KANSL1L: variants seen among roughly 807,000 people sequenced by gnomAD.
KANSL1L encodes KAT8 regulatory NSL complex subunit 1 like, also known as KAT8 regulatory NSL complex subunit 1-like protein.
In KANSL1L, 25 loss-of-function variants were observed where a neutral mutation model predicts 108.6. That is an observed-to-expected ratio of 0.23 (90% CI 0.17 to 0.32). KANSL1L has a LOEUF of 0.32. Among genes scored for constraint, KANSL1L ranks in the 10% least tolerant of loss-of-function variants. The pLI, the probability that KANSL1L is intolerant of heterozygous loss-of-function variation, is 1.00. For synonymous variants in KANSL1L, 405 were observed against 395.1 expected (o/e 1.03, Z -0.30); for missense variants, 1,137 against 1,125.7 (o/e 1.01, Z -0.14).
chr2:210,029,573 A>G (rs1203755931), intron 10 of KANSL1L, among the ~76,000 whole-genome samples: 1 of 152,140 alleles, frequency 6.6e-6, no homozygotes, highest in Non-Finnish European at 1.5e-5. Context: ...TAATGTTTAA[A>G]TTTTTAACAC....
At chr2:210,146,967 A>G (rs1294929967) in intron 2 of KANSL1L, among the ~76,000 whole-genome samples, 5 of 152,236 alleles carry the variant, frequency 3.3e-5, no homozygotes, top group Admixed American at 6.5e-5. Context: ...CTGTAGATAT[A>G]GAAGTACAGC....
intron 2 of KANSL1L, among the ~76,000 whole-genome samples, chr2:210,145,235 C>A (rs1040716586): frequency 6.6e-6 from 1 of 152,198 alleles, no homozygotes; most frequent in African/African-American, 2.4e-5. Context: ...TGGAATCCCT[C>A]TTGGCACTGG....
At chr2:210,045,647 G>A (rs529044490) in intron 6 of KANSL1L, among the ~76,000 whole-genome samples, 56 of 152,076 alleles carry the variant, frequency 3.7e-4, no homozygotes, top group African/African-American at 1.2e-3. Flanking sequence ...TGCTTTCTCC[G>A]AATTCTCTCA....
At chr2:210,081,415 G>A (rs1277840124) in intron 5 of KANSL1L, among the ~76,000 whole-genome samples, 2 of 152,142 alleles carry the variant, frequency 1.3e-5, no homozygotes, top group African/African-American at 4.8e-5. Flanking sequence ...GTTCCTTGGG[G>A]AAGTTTTCTA....
chr2:210,052,285 G>A (rs1325668998), intron 6 of KANSL1L, among the ~76,000 whole-genome samples: 1 of 151,998 alleles, frequency 6.6e-6, no homozygotes, highest in Non-Finnish European at 1.5e-5. Context: ...TTACAGGCCT[G>A]AGCCACCACA....
intron 2 of KANSL1L, 59 bp downstream of exon 2, chr2:210,153,436 T>G (rs2095315737): frequency 1.6e-6 from 2 of 1,289,470 alleles, no homozygotes; most frequent in Admixed American, 4.0e-5. Context: ...ACCTGGAAAC[T>G]AAGATAATTG....
chr2:210,027,962 A>C (rs1230114639), intron 11 of KANSL1L, among the ~76,000 whole-genome samples: 2 of 152,252 alleles, frequency 1.3e-5, no homozygotes, highest in African/African-American at 2.4e-5. Context: ...TAGTAAAAGA[A>C]ATGAAATTAG....
intron 5 of KANSL1L, among the ~76,000 whole-genome samples, chr2:210,093,178 C>G (rs944452299): frequency 6.6e-6 from 1 of 152,174 alleles, no homozygotes; most frequent in Admixed American, 6.5e-5. Context: ...CAGAGTCTCA[C>G]TCTGTCACCC....
intron 3 of KANSL1L, among the ~76,000 whole-genome samples, chr2:210,121,105 A>T (rs2095015058): frequency 6.6e-6 from 1 of 152,158 alleles, no homozygotes; most frequent in Non-Finnish European, 1.5e-5. Flanking sequence ...CAAAGACCTA[A>T]AGACAGATAT....
At chr2:210,105,325 TAC>T (rs1177043139) in intron 3 of KANSL1L, among the ~76,000 whole-genome samples, 12 of 147,972 alleles carry the variant, frequency 8.1e-5, no homozygotes, top group Admixed American at 7.5e-4. Flanking sequence ...ATATATTATA[TAC>T]ACACACAGGT....
At chr2:210,163,861 T>C (rs1449183459) in intron 1 of KANSL1L, among the ~76,000 whole-genome samples, 2 of 152,128 alleles carry the variant, frequency 1.3e-5, no homozygotes, top group Non-Finnish European at 2.9e-5. Context: ...CATCGTATTC[T>C]AGAATATTTT....
chr2:210,083,508 T>C (rs2094607941), intron 5 of KANSL1L, among the ~76,000 whole-genome samples: 1 of 152,178 alleles, frequency 6.6e-6, no homozygotes, highest in Non-Finnish European at 1.5e-5. Context: ...TCTGAATTTA[T>C]TACCTCCTTT....
chr2:210,029,880 T>C lies in KANSL1L; in HGVS notation c.2194A>G (p.Thr732Ala), dbSNP rs745307002. The C allele has an allele frequency of 1.2e-6, 2 of 1,606,040 alleles. No individual in the cohort carries two copies. Among genetic ancestry groups the C allele is most frequent in the Non-Finnish European group, 1.7e-6 (2 of 1,174,560 alleles). The change falls in exon 10 of 15, where the codon ACA becomes GCA. Residue 732 changes from threonine to alanine, a missense_variant. Thr to Ala is a moderately conservative substitution (Grantham distance 58). Transcript: ENST00000281772. Reference sequence around the variant, plus strand: ...AAATTGCTATGGGATCCTGATTCTGTGTGTTGAAAATCAGATTCTTCAAGT... The same window carrying C: ...AAATTGCTATGGGATCCTGATTCTGCGTGTTGAAAATCAGATTCTTCAAGT... The part of the protein sequence containing the change: ...TKLEESDFQH[T>A]ESGSHSNFTA...
At chr2:210,117,004 G>A (rs2094961132) in intron 3 of KANSL1L, among the ~76,000 whole-genome samples, 1 of 152,084 alleles carries the variant, frequency 6.6e-6, no homozygotes, top group African/African-American at 2.4e-5. Flanking sequence ...ACACAAGAAG[G>A]AATTCAGAAT....
In KANSL1L at chr2:210,129,189, C is replaced by T. The variant is rs1043254965; in HGVS notation, c.1089-17G>A. On this transcript the variant is annotated splice_polypyrimidine_tract_variant and intron_variant, in intron 2 of 14. Coordinates refer to ENST00000281772, the MANE Select transcript of KANSL1L (RefSeq NM_152519.4). ...CTACAGTTACTGTGAACAAAACAAA[C>T]ACTGTTACTCAAAGCACAAAGGCAA... is the stretch of plus-strand genomic sequence containing the variant. 6.3e-7 allele frequency: 1 copy of T among 1,580,574 alleles called. No homozygotes were observed. The highest frequency in any genetic ancestry group is 1.4e-5 in the African/African-American group (1 of 73,736).
intron 5 of KANSL1L, among the ~76,000 whole-genome samples, chr2:210,096,212 C>T (rs1038760050): frequency 2.0e-5 from 3 of 152,046 alleles, no homozygotes; most frequent in Non-Finnish European, 2.9e-5. Context: ...GGCCAATTTT[C>T]CATTTCTTTC....
intron 5 of KANSL1L, among the ~76,000 whole-genome samples, chr2:210,079,590 C>CA (rs1250273844): frequency 1.2e-3 from 57 of 46,052 alleles, no homozygotes; most frequent in African/African-American, 3.2e-3. Context: ...GACTCTGTCT[C>CA]AAAAAAAAAA....
chr2:210,141,031 A>G (rs749274038), intron 2 of KANSL1L, among the ~76,000 whole-genome samples: 29 of 151,902 alleles, frequency 1.9e-4, no homozygotes, highest in Non-Finnish European at 3.4e-4. Flanking sequence ...CACTTTTCTT[A>G]TCTCTAAGAT....
chr2:210,133,821 T>C (rs73063981), intron 2 of KANSL1L, among the ~76,000 whole-genome samples: 1,774 of 152,258 alleles, frequency 0.012, 39 homozygotes, highest in African/African-American at 0.04. Flanking sequence ...TTTGGAAATG[T>C]GTGATTTAAT....
Sources: allele counts gnomAD v4.1 joint callset (sites outside exome capture counted in the v4.1 genomes callset), GRCh38; gene constraint gnomAD v4.1.1; transcripts MANE v1.5; gene names NCBI Gene and HGNC (gene_info 2026-07-23, HGNC 2026-07-21).